Variants in WWOX observed in about 807,000 individuals in gnomAD.
WWOX encodes the protein WW domain-containing oxidoreductase.
Under a neutral mutation model 46.2 loss-of-function variants are expected in WWOX, and 69 were observed. That is an observed-to-expected ratio of 1.49 (90% CI 1.23 to 1.82). The LOEUF (loss-of-function observed/expected upper bound fraction) is 1.82, where lower values mean the gene tolerates loss of function less well. Among genes scored for constraint, WWOX ranks in the 40% most tolerant of loss-of-function variants. The probability of loss-of-function intolerance (pLI) is 0.00; values close to 1 mark genes in which losing one functional copy is unlikely to be tolerated. For synonymous variants in WWOX, 359 were observed against 202.6 expected (o/e 1.77, Z -6.56); for missense variants, 919 against 542.6 (o/e 1.69, Z -6.89).
chr16:78,440,272 C>T (rs1241773024), intron 8 of WWOX, among the ~76,000 whole-genome samples: 1 of 152,172 alleles, frequency 6.6e-6, no homozygotes, highest in African/African-American at 2.4e-5. Flanking sequence ...CCCCGGTCCC[C>T]ATCCACTTGA....
At chr16:78,694,495 C>T (rs998774415) in intron 8 of WWOX, among the ~76,000 whole-genome samples, 4 of 152,110 alleles carry the variant, frequency 2.6e-5, no homozygotes, top group East Asian at 3.9e-4. Flanking sequence ...TGCTTTGCTC[C>T]AGTATCCATT....
chr16:78,954,742 C>G (rs1479505177), intron 8 of WWOX, among the ~76,000 whole-genome samples: 1 of 152,042 alleles, frequency 6.6e-6, no homozygotes, highest in Non-Finnish European at 1.5e-5. Flanking sequence ...ATATAAAGTG[C>G]TATGGGGAAG....
intron 8 of WWOX, among the ~76,000 whole-genome samples, chr16:78,615,781 C>T (rs1355858958): frequency 1.3e-5 from 2 of 149,964 alleles, no homozygotes; most frequent in Admixed American, 6.6e-5. Context: ...GGCGGAGTCT[C>T]ACTCTGTTGC....
intron 8 of WWOX, among the ~76,000 whole-genome samples, chr16:79,039,938 C>T (rs2047939425): frequency 6.6e-6 from 1 of 152,150 alleles, no homozygotes; most frequent in Non-Finnish European, 1.5e-5. Flanking sequence ...TTGAGTACAT[C>T]TGGAGGGGTG....
chr16:78,131,110 T>C (rs923789931), intron 4 of WWOX, among the ~76,000 whole-genome samples: 3 of 152,224 alleles, frequency 2.0e-5, no homozygotes, highest in Non-Finnish European at 4.4e-5. Flanking sequence ...GTTGTAATCT[T>C]ATGGGACCGC....
At chr16:78,381,001 A>T (rs1310088217) in intron 5 of WWOX, among the ~76,000 whole-genome samples, 1 of 152,174 alleles carries the variant, frequency 6.6e-6, no homozygotes, top group Non-Finnish European at 1.5e-5. Flanking sequence ...TATTATGCTC[A>T]TTCATAATTA....
intron 8 of WWOX, among the ~76,000 whole-genome samples, chr16:78,786,053 C>G (rs1330475886): frequency 3.3e-5 from 5 of 152,130 alleles, no homozygotes; most frequent in East Asian, 1.9e-4. Context: ...AATACAGGCA[C>G]CCACCACCAC....
chr16:78,650,703 T>C (rs776138599), intron 8 of WWOX, among the ~76,000 whole-genome samples: 6 of 152,190 alleles, frequency 3.9e-5, no homozygotes, highest in East Asian at 1.9e-4. Flanking sequence ...CATGGACTTT[T>C]AGGAATTCCA....
intron 8 of WWOX, among the ~76,000 whole-genome samples, chr16:78,667,410 C>G (rs1475963684): frequency 1.3e-5 from 2 of 152,036 alleles, no homozygotes; most frequent in Non-Finnish European, 2.9e-5. Flanking sequence ...GTGGCTCACG[C>G]CTGTATTCCC....
intron 8 of WWOX, among the ~76,000 whole-genome samples, chr16:78,941,517 A>T (rs978387474): frequency 6.6e-6 from 1 of 151,696 alleles, no homozygotes; most frequent in East Asian, 1.9e-4. Context: ...AGGAGTTCAT[A>T]GTAGTCCTGT....
At chr16:78,801,502 C>G (rs1319754762) in intron 8 of WWOX, among the ~76,000 whole-genome samples, 2 of 152,150 alleles carry the variant, frequency 1.3e-5, no homozygotes, top group Admixed American at 6.5e-5. Context: ...AGGCTAGACC[C>G]TATCTCAAAA....
intron 8 of WWOX, among the ~76,000 whole-genome samples, chr16:78,787,619 A>T (rs533511745): frequency 6.6e-6 from 1 of 152,130 alleles, no homozygotes; most frequent in Non-Finnish European, 1.5e-5. Context: ...TGCTGCTATG[A>T]TCATACATGT....
chr16:78,249,945 G>A (rs764273549), intron 5 of WWOX, among the ~76,000 whole-genome samples: 1 of 152,158 alleles, frequency 6.6e-6, no homozygotes, highest in African/African-American at 2.4e-5. Flanking sequence ...ATAAAGCCCT[G>A]CAGTAATCAG....
At chr16:78,833,307 A>G (rs1597692160) in intron 8 of WWOX, among the ~76,000 whole-genome samples, 1 of 152,050 alleles carries the variant, frequency 6.6e-6, no homozygotes, top group Non-Finnish European at 1.5e-5. Context: ...TCATTCTCTC[A>G]AAGCACTGGG....
intron 8 of WWOX, among the ~76,000 whole-genome samples, chr16:79,045,171 A>G (rs1268579954): frequency 6.6e-6 from 1 of 152,194 alleles, no homozygotes; most frequent in Non-Finnish European, 1.5e-5. Flanking sequence ...GTGTTAAATT[A>G]AATCTTTTCC....
chr16:78,754,177 G>C, intron 8 of WWOX, among the ~76,000 whole-genome samples: 1 of 151,958 alleles, frequency 6.6e-6, no homozygotes, highest in Middle Eastern at 3.4e-3. Flanking sequence ...TTGGTCCCTG[G>C]GGATGCCATC....
intron 8 of WWOX, among the ~76,000 whole-genome samples, chr16:78,680,696 C>T (rs2047709130): frequency 6.6e-6 from 1 of 152,204 alleles, no homozygotes; most frequent in South Asian, 2.1e-4. Context: ...TCTAGTGGCT[C>T]CCACTGTGGG....
At chr16:78,793,639 G>A (rs1470317044) in intron 8 of WWOX, among the ~76,000 whole-genome samples, 1 of 151,902 alleles carries the variant, frequency 6.6e-6, no homozygotes, top group Non-Finnish European at 1.5e-5. Flanking sequence ...ATAGCACACA[G>A]CAAAAAAAAC....
intron 6 of WWOX, among the ~76,000 whole-genome samples, chr16:78,420,779 T>C (rs1220610219): frequency 1.3e-5 from 2 of 152,126 alleles, no homozygotes; most frequent in Non-Finnish European, 2.9e-5. Flanking sequence ...ATGTGCATTA[T>C]ATTTCAGTAA....
Sources: allele counts gnomAD v4.1 joint callset (sites outside exome capture counted in the v4.1 genomes callset), GRCh38; gene constraint gnomAD v4.1.1; transcripts MANE v1.5; gene names NCBI Gene and HGNC (gene_info 2026-07-23, HGNC 2026-07-21).